DEAF1: variants seen among roughly 807,000 people sequenced by gnomAD.
DEAF1 encodes deformed epidermal autoregulatory factor 1 homolog.
A neutral mutation model predicts 58.9 loss-of-function variants in DEAF1; 53 were observed. The ratio of observed to expected loss-of-function variants is 0.90; its 90% CI spans 0.72 to 1.13. The LOEUF (loss-of-function observed/expected upper bound fraction) is 1.13. Ranked by LOEUF, DEAF1 falls within the 50% of genes most tolerant of loss-of-function variation. The pLI is 0.00. For missense variants in DEAF1, 685 were observed against 791.4 expected, an observed-to-expected ratio of 0.87 and a Z score of 1.61; for synonymous variants, 385 against 340.4, an observed-to-expected ratio of 1.13 and a Z score of -1.44.
chr11:677,401 C>T lies in DEAF1; in HGVS notation c.1255+1293G>A, dbSNP rs1860132181. Among the ~76,000 whole-genome samples, 2 of 96,618 alleles carry T rather than the reference C, an allele frequency of 2.1e-5. 1 individual carries two copies. Among genetic ancestry groups the T allele is most frequent in the Admixed American group, 2.4e-4 (2 of 8,280 alleles). The allele number at this position is 96,618 out of a possible 152,430, so 63.4% of individuals were successfully genotyped here. On this transcript the variant is annotated intron_variant, in intron 9 of 11. Coordinates refer to ENST00000382409, the MANE Select transcript of DEAF1 (RefSeq NM_021008.4). ...GAAGTCTACACTCCAGCCTGGGCAA[C>T]AGATCAAGACTCCATCTCAAAAAAA...
At chr11:653,221 C>A (rs558666942) in intron 11 of DEAF1, among the ~76,000 whole-genome samples, 1 of 151,938 alleles carries the variant, frequency 6.6e-6, no homozygotes, top group South Asian at 2.1e-4. Context: ...GAGCGGAGGG[C>A]TGAATAATAG....
exon 1 of DEAF1, among the ~76,000 whole-genome samples, chr11:707,047 C>T (rs969970019): frequency 1.3e-5 from 2 of 152,002 alleles, no homozygotes; most frequent in Non-Finnish European, 2.9e-5. Flanking sequence ...ACCTCTGCCC[C>T]CACCCACCCC....
At chr11:665,735 AGGTGACG>A (rs935450233) in intron 10 of DEAF1, among the ~76,000 whole-genome samples, 1 of 152,216 alleles carries the variant, frequency 6.6e-6, no homozygotes, top group Admixed American at 6.5e-5. Flanking sequence ...TAGCAGGGAC[AGGTGACG>A]TAGCAGGGAG....
upstream of DEAF1, chr11:695,941 C>G (rs1861124930): frequency 1.0e-6 from 1 of 970,012 alleles, no homozygotes; most frequent in Non-Finnish European, 1.3e-6. Flanking sequence ...GGTGCGCTCA[C>G]GGGGCCGTGC....
Position 654,144 on chromosome 11 carries a change from A to C in DEAF1, c.1504-93T>G, listed in dbSNP as rs141473714. On this transcript the variant is annotated intron_variant, in intron 10 of 11. Coordinates refer to ENST00000382409, the MANE Select transcript of DEAF1 (RefSeq NM_021008.4). ...GAGGCAGGTGCAGGCAGGAGGCCCCAAGTTCCCCCCATTGGACCCCCTTTT... is the reference window on the plus strand; with the variant it reads ...GAGGCAGGTGCAGGCAGGAGGCCCCCAGTTCCCCCCATTGGACCCCCTTTT... 5.5e-4 allele frequency: 511 copies of C among 931,744 alleles called. 4 individuals are homozygous for C. In the African/African-American group the frequency reaches 6.7e-3, roughly 12 times the overall value. The allele number at this position is 931,744 out of a possible 1,614,324, so 57.7% of individuals were successfully genotyped here.
upstream of DEAF1, among the ~76,000 whole-genome samples, chr11:697,087 CG>C (rs1397194178): frequency 7.7e-6 from 1 of 129,550 alleles, no homozygotes; most frequent in Non-Finnish European, 1.6e-5. Context: ...GCAACAAGAG[CG>C]AAATTCTGTC....
At chr11:670,991 C>T (rs1241126560) in intron 10 of DEAF1, among the ~76,000 whole-genome samples, 9 of 140,378 alleles carry the variant, frequency 6.4e-5, no homozygotes, top group Non-Finnish European at 7.6e-5. Context: ...TGCAGTGGCG[C>T]GATCTCGGCT....
At chr11:649,069 G>A (rs1474837234) in intron 11 of DEAF1, among the ~76,000 whole-genome samples, 1 of 152,136 alleles carries the variant, frequency 6.6e-6, no homozygotes, top group African/African-American at 2.4e-5. Context: ...TGGCCAACAT[G>A]GCAAAACCCT....
chr11:681,227 A>T, intron 6 of DEAF1, 138 bp from the exon 7 acceptor site: 1 of 1,205,396 alleles, frequency 8.3e-7, no homozygotes, highest in African/African-American at 1.5e-5. Context: ...AGCGCCCCTA[A>T]AGATCCCACC....
chr11:697,330 C>T (rs1023720998), upstream of DEAF1, among the ~76,000 whole-genome samples: 5 of 152,198 alleles, frequency 3.3e-5, no homozygotes, highest in African/African-American at 1.2e-4. Context: ...CACTTGTTCT[C>T]TTTCACTTCC....
chr11:693,813 A>C (rs1860947648), intron 1 of DEAF1, among the ~76,000 whole-genome samples: 1 of 152,226 alleles, frequency 6.6e-6, no homozygotes, highest in Non-Finnish European at 1.5e-5. Flanking sequence ...AGAAACTATA[A>C]GCAGCTTATA....
At chr11:685,331 G>C (rs1276820642) in intron 5 of DEAF1, among the ~76,000 whole-genome samples, 2 of 152,064 alleles carry the variant, frequency 1.3e-5, no homozygotes, top group Non-Finnish European at 2.9e-5. Context: ...CAATCTGCCC[G>C]CCTCGGCCTC....
Position 644,509 on chromosome 11 carries a change from G to C in DEAF1, c.*41C>G. 6.6e-7 allele frequency: 1 copy of C among 1,522,418 alleles called. No homozygotes were observed. Among genetic ancestry groups the C allele is most frequent in the Non-Finnish European group, 9.1e-7 (1 of 1,104,862 alleles). 94.3% of individuals were successfully genotyped at this position (1,522,418 alleles called of 1,614,324 possible). A position where few individuals can be genotyped will look rare whatever the true frequency, so the allele number is the denominator to read the frequency against. On this transcript the variant is annotated 3_prime_UTR_variant, in exon 12 of 12. Transcript: ENST00000382409. This position sits in a 1 kb window ranked among gnomAD's most constrained non-coding sequence, Gnocchi z 4.3. ...CCTTCGACCTGCAAAAGCCTCACAG[G>C]AGTGCGAGGGGCCCCAGCTCCCAGG...
At chr11:697,601 C>G (rs551747277), upstream of DEAF1, 1 of 152,302 alleles carries the variant, frequency 6.6e-6, no homozygotes, top group African/African-American at 2.4e-5. Context: ...CTAGCAGACA[C>G]ATTGGAAGTG....
upstream of DEAF1, among the ~76,000 whole-genome samples, chr11:698,715 T>C (rs1861309600): frequency 6.6e-6 from 1 of 152,164 alleles, no homozygotes; most frequent in Non-Finnish European, 1.5e-5. Flanking sequence ...ACGGGAGCTA[T>C]CTAGTGGCAG....
chr11:705,058 A>T (rs902259502), intron 1 of DEAF1: 2 of 224,136 alleles, frequency 8.9e-6, no homozygotes, highest in African/African-American at 4.6e-5. Flanking sequence ...GCTCAGGGGC[A>T]GGCACTGGGC....
At position 671,989 on chromosome 11, in the gene DEAF1, A is replaced by C. The variant is rs951223995; in HGVS notation, c.1503+2547T>G. On this transcript the variant is annotated intron_variant, in intron 10 of 11. Transcript: ENST00000382409. ...TCTGCCATGATGGTGAGACCTCCCC[A>C]GCCATGTGGAGCTGCAGTGTCACTG... is the stretch of plus-strand genomic sequence containing the variant. Among the ~76,000 whole-genome samples the C allele has an allele frequency of 6.6e-5, 10 of 152,150 alleles. No individual in the cohort carries two copies. In the East Asian group the frequency reaches 1.9e-3, roughly 29 times the overall value.
At chr11:686,707 A>C in intron 5 of DEAF1, 151 bp downstream of exon 5, 1 of 1,006,670 alleles carries the variant, frequency 9.9e-7, no homozygotes, top group Non-Finnish European at 1.5e-6. Context: ...GAGAGGGTAA[A>C]TCACTCGCCC....
upstream of DEAF1, among the ~76,000 whole-genome samples, chr11:696,367 C>A (rs1159803146): frequency 1.3e-5 from 2 of 152,190 alleles, no homozygotes; most frequent in East Asian, 3.8e-4. Context: ...AGTGCCAAAC[C>A]TTCGTGCGTG....
Sources: allele counts gnomAD v4.1 joint callset (sites outside exome capture counted in the v4.1 genomes callset), GRCh38; gene constraint gnomAD v4.1.1; non-coding constraint Gnocchi (gnomAD v3.1); transcripts MANE v1.5; gene names NCBI Gene and HGNC (gene_info 2026-07-23, HGNC 2026-07-21).